Variants in SSH2 observed in about 807,000 individuals in gnomAD.
SSH2 encodes protein phosphatase Slingshot homolog 2.
A neutral mutation model predicts 135.2 loss-of-function variants in SSH2; 37 were observed. The ratio of observed to expected loss-of-function variants is 0.27; its 90% confidence interval spans 0.21 to 0.36. The LOEUF is 0.36. Among genes scored for constraint, SSH2 ranks in the 10% least tolerant of loss-of-function variants. The pLI is 1.00. For missense variants in SSH2, 1,408 were observed against 1,765.3 expected (o/e 0.80, Z 3.63); for synonymous variants, 628 against 646.2 (o/e 0.97, Z 0.43).
At chr17:29,699,852 C>T (rs1453640719) in intron 4 of SSH2, among the ~76,000 whole-genome samples, 1 of 152,216 alleles carries the variant, frequency 6.6e-6, no homozygotes, top group East Asian at 1.9e-4. Flanking sequence ...CCCTACCCGA[C>T]CTCTGGTACT....
At chr17:29,735,414 G>A (rs1047371675) in intron 3 of SSH2, among the ~76,000 whole-genome samples, 2 of 152,036 alleles carry the variant, frequency 1.3e-5, no homozygotes, top group Admixed American at 6.6e-5. Flanking sequence ...GCATACTACA[G>A]GGCCAGGTGC....
intron 3 of SSH2, among the ~76,000 whole-genome samples, chr17:29,707,914 CTT>C (rs2039273141): frequency 6.6e-6 from 1 of 152,072 alleles, no homozygotes. Flanking sequence ...AATCAATCCT[CTT>C]TATTCCATGG....
Position 29,630,958 on chromosome 17 carries a change from T to C in SSH2, c.4236A>G (p.Pro1412=). ...GGGGTGCCACGGCCAGCCCTGGAGC[T>C]GGGCATGCACACTGCAGTCCCTGGG... ...LQTQGLQCAC[P]APGLAVAPRQ... The change falls in exon 16 of 16, where the codon CCA becomes CCG. Residue 1412 remains proline, a synonymous_variant. Coordinates refer to ENST00000540801, the MANE Select transcript of SSH2 (RefSeq NM_001282129.2). 6.2e-7 allele frequency: 1 copy of C among 1,611,254 alleles called. No individual in the cohort carries two copies. Among genetic ancestry groups the C allele is most frequent in the South Asian group, 1.1e-5 (1 of 91,038 alleles).
At chr17:29,912,448 C>T (rs1427697059) in intron 1 of SSH2, among the ~76,000 whole-genome samples, 1 of 152,178 alleles carries the variant, frequency 6.6e-6, no homozygotes, top group Non-Finnish European at 1.5e-5. Context: ...GGATTTCAGA[C>T]AGGCAGAGTG....
chr17:29,833,032 C>T (rs1176163142), intron 2 of SSH2, among the ~76,000 whole-genome samples: 2 of 152,180 alleles, frequency 1.3e-5, no homozygotes, highest in African/African-American at 2.4e-5. Context: ...CTTGAGAATG[C>T]TCCATATGCT....
At chr17:29,842,665 C>G (rs921694734) in intron 2 of SSH2, among the ~76,000 whole-genome samples, 4 of 152,142 alleles carry the variant, frequency 2.6e-5, no homozygotes, top group Non-Finnish European at 5.9e-5. Context: ...TTGAGCTATG[C>G]TTTCTTACAT....
At chr17:29,837,582 C>G (rs2042963594) in intron 2 of SSH2, among the ~76,000 whole-genome samples, 1 of 152,094 alleles carries the variant, frequency 6.6e-6, no homozygotes, top group Admixed American at 6.5e-5. Context: ...AACTGCACCA[C>G]CCCCACCCTC....
chr17:29,639,281 T>C (rs761307346), intron 14 of SSH2, among the ~76,000 whole-genome samples: 1 of 152,118 alleles, frequency 6.6e-6, no homozygotes, highest in Non-Finnish European at 1.5e-5. Flanking sequence ...AAGAGAACGG[T>C]GGCCCTTTTG....
intron 1 of SSH2, among the ~76,000 whole-genome samples, chr17:29,896,942 G>T (rs897994318): frequency 1.3e-5 from 2 of 151,642 alleles, no homozygotes; most frequent in African/African-American, 2.4e-5. Flanking sequence ...GAACAAGAAA[G>T]GTTCCTGACC....
At chr17:29,672,395 T>C (rs1389163289) in intron 8 of SSH2, among the ~76,000 whole-genome samples, 1 of 151,962 alleles carries the variant, frequency 6.6e-6, no homozygotes, top group African/African-American at 2.4e-5. Context: ...CAGTGAAAAA[T>C]AGGTCCAGGT....
At chr17:29,756,164 T>C (rs1404980312) in intron 3 of SSH2, among the ~76,000 whole-genome samples, 1 of 150,466 alleles carries the variant, frequency 6.6e-6, no homozygotes. Context: ...TCCCAGCTAC[T>C]CGGGAGGCTG....
intron 1 of SSH2, chr17:29,855,971 T>A: frequency 3.1e-6 from 1 of 322,466 alleles, no homozygotes; most frequent in Non-Finnish European, 5.9e-6. Flanking sequence ...CTTGCACTAT[T>A]TGTAATCATG....
In SSH2 at chr17:29,678,335, C is replaced by T. The variant is rs9901733; in HGVS notation, c.480-594G>A. ...AGTCTCGAAGTCCTGATCCACCCAC[C>T]TCAGCCTCCCGAAGTGCTGGGATTA... On this transcript the variant is annotated intron_variant, in intron 6 of 15. Transcript: ENST00000540801. 4.9e-3 allele frequency among the ~76,000 whole-genome samples: 741 copies of T among 152,278 alleles called. 4 individuals are homozygous for T. The highest frequency in any genetic ancestry group is 0.017 in the African/African-American group (716 of 41,540).
Position 29,930,182 on chromosome 17 carries a change from C to T in SSH2, c.-182G>A. 2 of 588,682 alleles carry T rather than the reference C, an allele frequency of 3.4e-6. No homozygotes were observed. Among genetic ancestry groups the T allele is most frequent in the Non-Finnish European group, 5.8e-6 (2 of 344,232 alleles). The allele number at this position is 588,682 out of a possible 1,614,324, so 36.5% of individuals were successfully genotyped here. A position where few individuals can be genotyped will look rare whatever the true frequency, so the allele number is the denominator to read the frequency against. On this transcript the variant is annotated 5_prime_UTR_variant, in exon 1 of 16. Coordinates refer to ENST00000540801, the MANE Select transcript of SSH2 (RefSeq NM_001282129.2). ...ACCACCAGACTGTCGCCGACTGACG[C>T]TCCGAACGGGCGGCGGGCGGGCGGT...
intron 3 of SSH2, among the ~76,000 whole-genome samples, chr17:29,752,103 C>T (rs2151232725): frequency 6.6e-6 from 1 of 152,216 alleles, no homozygotes; most frequent in South Asian, 2.1e-4. Flanking sequence ...ATTGGGCAGG[C>T]TCATTTTGTA....
intron 2 of SSH2, among the ~76,000 whole-genome samples, chr17:29,830,025 G>T (rs1479314515): frequency 3.3e-5 from 5 of 151,964 alleles, no homozygotes; most frequent in Non-Finnish European, 7.4e-5. Context: ...ATTTTTAGTA[G>T]AGATGGGGTT....
intron 1 of SSH2, among the ~76,000 whole-genome samples, chr17:29,913,355 TATATATATATA>T (rs2066817010): frequency 4.8e-5 from 2 of 41,694 alleles, no homozygotes; most frequent in Non-Finnish European, 9.2e-5. Context: ...AAAATATATA[TATATATATATA>T]TATATATATA....
chr17:29,885,103 G>C (rs2066210148), intron 1 of SSH2, among the ~76,000 whole-genome samples: 1 of 152,060 alleles, frequency 6.6e-6, no homozygotes, highest in African/African-American at 2.4e-5. Context: ...CCAAGGTCTT[G>C]GCTCTTGCCT....
intron 1 of SSH2, among the ~76,000 whole-genome samples, chr17:29,908,817 G>T (rs1054951526): frequency 7.1e-6 from 1 of 140,222 alleles, no homozygotes; most frequent in Non-Finnish European, 1.5e-5. Flanking sequence ...GGTGGCTCAC[G>T]CCTGTAATCC....
Sources: allele counts gnomAD v4.1 joint callset (sites outside exome capture counted in the v4.1 genomes callset), GRCh38; gene constraint gnomAD v4.1.1; transcripts MANE v1.5; gene names NCBI Gene and HGNC (gene_info 2026-07-23, HGNC 2026-07-21).